Variants in CDH9 observed in about 807,000 individuals in gnomAD.
The protein encoded by CDH9 is cadherin-9.
CDH9 carries 28 observed loss-of-function variants against 70.9 expected under a neutral mutation model. The observed-to-expected ratio is 0.40, with a 90% confidence interval of 0.29 to 0.54. The LOEUF (loss-of-function observed/expected upper bound fraction) is 0.54. CDH9 is among the 20% of genes least tolerant of loss of function. CDH9 has a pLI of 0.59. For missense variants in CDH9, 874 were observed against 984.4 expected (o/e 0.89, Z 1.50); for synonymous variants, 409 against 343.1 (o/e 1.19, Z -2.12).
chr5:26,949,143 T>G (rs1308524042), intron 2 of CDH9, among the ~76,000 whole-genome samples: 1 of 152,184 alleles, frequency 6.6e-6, no homozygotes, highest in Non-Finnish European at 1.5e-5. Context: ...TGACTCATAT[T>G]GAAATGAGGC....
At chr5:26,970,586 C>T (rs1464154042) in intron 2 of CDH9, among the ~76,000 whole-genome samples, 2 of 151,934 alleles carry the variant, frequency 1.3e-5, no homozygotes, top group African/African-American at 2.4e-5. Flanking sequence ...GACTTGTTAA[C>T]CTAAAATAAG....
At chr5:26,912,140 A>C (rs2112000957) in intron 3 of CDH9, among the ~76,000 whole-genome samples, 1 of 152,222 alleles carries the variant, frequency 6.6e-6, no homozygotes, top group East Asian at 1.9e-4. Flanking sequence ...CTTTGATTTA[A>C]ATGAAAATAT....
intron 2 of CDH9, among the ~76,000 whole-genome samples, chr5:26,954,529 T>C (rs1286313211): frequency 6.6e-6 from 1 of 151,282 alleles, no homozygotes; most frequent in Non-Finnish European, 1.5e-5. Context: ...GCACTACAGG[T>C]GCCCGCCACT....
intron 1 of CDH9, among the ~76,000 whole-genome samples, chr5:26,989,610 C>G (rs79479242): frequency 6.6e-6 from 1 of 151,806 alleles, no homozygotes; most frequent in Admixed American, 6.6e-5. Flanking sequence ...GTGATAATAT[C>G]TCCTGAATTC....
chr5:26,941,350 C>G (rs1046868285), intron 2 of CDH9, among the ~76,000 whole-genome samples: 6 of 152,168 alleles, frequency 3.9e-5, no homozygotes, highest in Non-Finnish European at 7.4e-5. Context: ...GAGAGAACTT[C>G]CAGACTCTTT....
At chr5:26,929,161 G>T (rs10040474) in intron 2 of CDH9, among the ~76,000 whole-genome samples, 2 of 151,770 alleles carry the variant, frequency 1.3e-5, no homozygotes, top group Non-Finnish European at 2.9e-5. Flanking sequence ...CTAAGTATTC[G>T]ATTTAAAAAT....
At chr5:26,957,911 G>A (rs1432879852) in intron 2 of CDH9, among the ~76,000 whole-genome samples, 3 of 152,054 alleles carry the variant, frequency 2.0e-5, no homozygotes, top group Non-Finnish European at 2.9e-5. Context: ...TGAGACTTCT[G>A]ATTTAAAATG....
intron 2 of CDH9, among the ~76,000 whole-genome samples, chr5:26,933,461 A>G (rs1477821562): frequency 6.6e-6 from 1 of 151,840 alleles, no homozygotes; most frequent in Non-Finnish European, 1.5e-5. Context: ...TAAAATGGAT[A>G]AAACTCTAGC....
chr5:26,959,525 A>G (rs774511670), intron 2 of CDH9, among the ~76,000 whole-genome samples: 4 of 152,132 alleles, frequency 2.6e-5, no homozygotes, highest in Non-Finnish European at 5.9e-5. Flanking sequence ...AATAATTGAA[A>G]ATATGTTTTC....
intron 1 of CDH9, among the ~76,000 whole-genome samples, chr5:27,011,875 A>AT (rs907284078): frequency 5.9e-5 from 9 of 151,798 alleles, no homozygotes; most frequent in African/African-American, 1.9e-4. Flanking sequence ...TCTGTTTCTT[A>AT]TTTTTTTCCC....
chr5:26,997,735 C>G (rs1489609578), intron 1 of CDH9, among the ~76,000 whole-genome samples: 1 of 150,818 alleles, frequency 6.6e-6, no homozygotes, highest in Non-Finnish European at 1.5e-5. Context: ...GGAATCCACT[C>G]TGTCTCCAGG....
chr5:27,038,336 A>AGT, intron 1 of CDH9, 127 bp downstream of exon 1: 1 of 151,208 alleles, frequency 6.6e-6, no homozygotes, highest in Admixed American at 6.6e-5. Flanking sequence ...TGTGCTTCCA[A>AGT]GTGTTGAGAG....
chr5:26,953,266 G>A (rs6895265), intron 2 of CDH9, among the ~76,000 whole-genome samples: 27,513 of 152,072 alleles, frequency 0.18, 4,426 homozygotes, highest in African/African-American at 0.43. Flanking sequence ...GATTGAAAAT[G>A]TAACTATTAT....
chr5:26,933,506 C>G (rs1253289434), intron 2 of CDH9, among the ~76,000 whole-genome samples: 5 of 151,782 alleles, frequency 3.3e-5, no homozygotes, highest in African/African-American at 4.8e-5. Flanking sequence ...GCAGGGTGCA[C>G]TGGCTCACGC....
At chr5:26,883,044 T>G (rs3931205) in intron 11 of CDH9, among the ~76,000 whole-genome samples, 17,797 of 27,526 alleles carry the variant, frequency 0.65, 4,680 homozygotes, top group South Asian at 0.79. Flanking sequence ...GATCATCTTA[T>G]ATATATATAT....
chr5:26,957,047 A>G (rs961948709), intron 2 of CDH9, among the ~76,000 whole-genome samples: 1 of 139,218 alleles, frequency 7.2e-6, no homozygotes, highest in African/African-American at 2.6e-5. Context: ...TTACTTTGAT[A>G]CCCTGAGTAT....
intron 2 of CDH9, among the ~76,000 whole-genome samples, chr5:26,938,766 G>A (rs1741606627): frequency 6.6e-6 from 1 of 151,954 alleles, no homozygotes; most frequent in African/African-American, 2.4e-5. Context: ...ATACTGCTCA[G>A]CAATTAAAAA....
At chr5:26,949,461 T>C (rs1344978000) in intron 2 of CDH9, among the ~76,000 whole-genome samples, 1 of 152,218 alleles carries the variant, frequency 6.6e-6, no homozygotes, top group Non-Finnish European at 1.5e-5. Flanking sequence ...CATCTACAAA[T>C]TAAACCATGA....
At chr5:27,018,993 T>C (rs1186830157) in intron 1 of CDH9, among the ~76,000 whole-genome samples, 2 of 152,018 alleles carry the variant, frequency 1.3e-5, no homozygotes, top group South Asian at 2.1e-4. Flanking sequence ...TTATTATTAC[T>C]ATATTATTAT....
Sources: allele counts gnomAD v4.1 joint callset (sites outside exome capture counted in the v4.1 genomes callset), GRCh38; gene constraint gnomAD v4.1.1; transcripts MANE v1.5; gene names NCBI Gene and HGNC (gene_info 2026-07-23, HGNC 2026-07-21).